Variants in ITGBL1 observed in about 807,000 individuals in gnomAD.
The protein encoded by ITGBL1 is integrin beta-like protein 1.
Under a neutral mutation model 68.5 loss-of-function variants are expected in ITGBL1, and 51 were observed. The ratio of observed to expected loss-of-function variants is 0.74; its 90% CI spans 0.59 to 0.94. The LOEUF is 0.94. Among genes scored for constraint, ITGBL1 ranks in the 40% least tolerant of loss-of-function variants. ITGBL1 has a pLI of 0.00. For missense variants in ITGBL1, 649 were observed against 647.4 expected (o/e 1.00, Z -0.03); for synonymous variants, 209 against 227.3 (o/e 0.92, Z 0.72).
intron 2 of ITGBL1, among the ~76,000 whole-genome samples, chr13:101,548,661 C>G (rs548013823): frequency 2.0e-5 from 3 of 151,638 alleles, no homozygotes; most frequent in Non-Finnish European, 4.4e-5. Flanking sequence ...AAAAAATTGT[C>G]TTCACTATTT....
chr13:101,629,034 A>G (rs1025563905), intron 7 of ITGBL1, among the ~76,000 whole-genome samples: 8 of 152,148 alleles, frequency 5.3e-5, no homozygotes, highest in East Asian at 1.9e-4. Context: ...TAACATTCAA[A>G]TTATAGAAAA....
intron 4 of ITGBL1, among the ~76,000 whole-genome samples, chr13:101,578,981 G>A (rs1410897584): frequency 6.6e-6 from 1 of 152,152 alleles, no homozygotes; most frequent in East Asian, 1.9e-4. Context: ...GGTTTGATGT[G>A]TGCATTTGAG....
intron 2 of ITGBL1, among the ~76,000 whole-genome samples, chr13:101,472,385 C>G (rs940299538): frequency 6.6e-6 from 1 of 152,168 alleles, no homozygotes; most frequent in Admixed American, 6.5e-5. Context: ...CAGTAAGCTG[C>G]TTACCTATGT....
At chr13:101,510,384 C>G (rs933477088) in intron 2 of ITGBL1, among the ~76,000 whole-genome samples, 2 of 151,960 alleles carry the variant, frequency 1.3e-5, no homozygotes, top group African/African-American at 4.8e-5. Flanking sequence ...TATATATGTA[C>G]CATATTTTCT....
chr13:101,516,129 A>C (rs1594859348), intron 2 of ITGBL1, among the ~76,000 whole-genome samples: 1 of 152,176 alleles, frequency 6.6e-6, no homozygotes, highest in Non-Finnish European at 1.5e-5. Flanking sequence ...GAGAATAAAA[A>C]TGAGCTAATT....
rs187827191 is a variant in ITGBL1 at position 101,684,417 on chromosome 13, C to G, written c.1016-8168C>G. On this transcript the variant is annotated intron_variant, in intron 7 of 10. Transcript: ENST00000376180. ...GATAAGATTTTGGTTGTAGTTACAT[C>G]GAATCTATAGATCAATTAGGGGATA... 2.0e-5 allele frequency among the ~76,000 whole-genome samples: 3 copies of G among 151,900 alleles called. No homozygotes were observed. The South Asian group carries it at 6.2e-4, about 32-fold the overall frequency.
chr13:101,623,820 A>C (rs946318631), intron 7 of ITGBL1, among the ~76,000 whole-genome samples: 11 of 152,230 alleles, frequency 7.2e-5, no homozygotes, highest in Non-Finnish European at 1.5e-5. Flanking sequence ...TGACTGTAGA[A>C]TATTTTAAAG....
chr13:101,563,350 A>G (rs1386972168), intron 2 of ITGBL1, among the ~76,000 whole-genome samples: 1 of 151,712 alleles, frequency 6.6e-6, no homozygotes, highest in Non-Finnish European at 1.5e-5. Flanking sequence ...GAAAATCAAT[A>G]AAACCAAAAG....
intron 2 of ITGBL1, among the ~76,000 whole-genome samples, chr13:101,517,371 A>G (rs993033696): frequency 3.3e-5 from 5 of 152,164 alleles, no homozygotes; most frequent in Non-Finnish European, 7.3e-5. Flanking sequence ...TAAAATATAA[A>G]ATTTAACTTA....
At chr13:101,462,102 CG>C (rs1206053863) in intron 2 of ITGBL1, among the ~76,000 whole-genome samples, 1 of 152,150 alleles carries the variant, frequency 6.6e-6, no homozygotes, top group African/African-American at 2.4e-5. Flanking sequence ...AAGCTACTTT[CG>C]GGTCCTTACA....
At chr13:101,500,072 G>A (rs544376231) in intron 2 of ITGBL1, among the ~76,000 whole-genome samples, 4 of 152,052 alleles carry the variant, frequency 2.6e-5, no homozygotes, top group Non-Finnish European at 5.9e-5. Context: ...CTGGCCACTC[G>A]ACCCTTGCAT....
chr13:101,606,110 C>CTA (rs1442689773), intron 7 of ITGBL1, among the ~76,000 whole-genome samples: 2,782 of 138,198 alleles, frequency 0.02, 30 homozygotes, highest in Middle Eastern at 0.042. Context: ...CTCTCTCTCT[C>CTA]TCTATATATA....
chr13:101,526,134 TTTCTTC>T (rs199659168), intron 2 of ITGBL1, among the ~76,000 whole-genome samples: 1 of 140,324 alleles, frequency 7.1e-6, no homozygotes, highest in African/African-American at 2.8e-5. Flanking sequence ...CAAAGGCTAG[TTTCTTC>T]TTCTTCTTCT....
At chr13:101,554,765 C>T (rs1244089259) in intron 2 of ITGBL1, among the ~76,000 whole-genome samples, 2 of 152,146 alleles carry the variant, frequency 1.3e-5, no homozygotes, top group Non-Finnish European at 2.9e-5. Flanking sequence ...GGGGACAGGG[C>T]CCTTTTGTGG....
intron 2 of ITGBL1, among the ~76,000 whole-genome samples, chr13:101,508,901 C>G (rs1227261657): frequency 6.6e-6 from 1 of 151,906 alleles, no homozygotes; most frequent in Admixed American, 6.6e-5. Flanking sequence ...CTCTCCTTTC[C>G]CAAACTTGAA....
At chr13:101,473,410 A>G (rs1046634067) in intron 2 of ITGBL1, among the ~76,000 whole-genome samples, 18 of 152,180 alleles carry the variant, frequency 1.2e-4, no homozygotes, top group Admixed American at 5.9e-4. Context: ...GTACAGTGGA[A>G]GACAACAAGG....
At chr13:101,574,600 A>G (rs972421888) in intron 3 of ITGBL1, among the ~76,000 whole-genome samples, 12 of 152,160 alleles carry the variant, frequency 7.9e-5, no homozygotes, top group Admixed American at 7.9e-4. Context: ...CAGTTGATAC[A>G]TGGTGATGGC....
intron 7 of ITGBL1, among the ~76,000 whole-genome samples, chr13:101,624,335 T>A (rs1180738014): frequency 2.6e-5 from 4 of 152,186 alleles, no homozygotes. Context: ...AAACCACTCC[T>A]CTCCAGATAA....
intron 2 of ITGBL1, among the ~76,000 whole-genome samples, chr13:101,548,084 A>ATTC (rs61406997): frequency 1.7e-3 from 10 of 5,802 alleles, no homozygotes; most frequent in Non-Finnish European, 2.4e-3. Context: ...ACAGATAAAC[A>ATTC]TAAAACTTTT....
Sources: allele counts gnomAD v4.1 joint callset (sites outside exome capture counted in the v4.1 genomes callset), GRCh38; gene constraint gnomAD v4.1.1; transcripts MANE v1.5; gene names NCBI Gene and HGNC (gene_info 2026-07-23, HGNC 2026-07-21).